POLR3A: variants seen among roughly 807,000 people sequenced by gnomAD.
POLR3A encodes DNA-directed RNA polymerase III subunit RPC1.
A neutral mutation model predicts 152.8 loss-of-function variants in POLR3A; 112 were observed. The observed-to-expected ratio is 0.73, with a 90% confidence interval of 0.63 to 0.86. The LOEUF is 0.86. POLR3A is among the 40% of genes least tolerant of loss of function. POLR3A has a pLI of 0.00. For synonymous variants in POLR3A, 615 were observed against 652.1 expected (o/e 0.94, Z 0.87); for missense variants, 1,385 against 1,743.1 (o/e 0.79, Z 3.66).
intron 10 of POLR3A, among the ~76,000 whole-genome samples, chr10:78,014,402 G>A (rs1235929611): frequency 6.6e-6 from 1 of 152,094 alleles, no homozygotes; most frequent in Non-Finnish European, 1.5e-5. Context: ...CAATCTAGTT[G>A]GAAGTTACTG....
Position 78,010,537 on chromosome 10 carries a change from T to C in POLR3A, c.1576A>G (p.Lys526Glu), listed in dbSNP as rs775689116. 5.0e-6 allele frequency: 8 copies of C among 1,613,712 alleles called. No individual in the cohort carries two copies. The highest frequency in any genetic ancestry group is 3.3e-4 in the Middle Eastern group (2 of 6,060). The stretch of plus-strand genomic sequence containing the variant: ...TTCCTCGGGGTTACAAGATTTGCTT[T>C]AGTCTGTAGGAAAAGTAAGCGCAGT... ...KAEALVLMGT[K>E]ANLVTPRNGE... The change falls in exon 12 of 31, where the codon AAA becomes GAA. Residue 526 changes from lysine (K) to glutamate (E), a missense_variant. By Grantham distance (56) the Lys-to-Glu change is moderately conservative (BLOSUM62 1). Around this residue, in one of 7 missense-constraint regions of POLR3A, gnomAD observed 188 missense variants for 179.9 expected, o/e 1.04. Coordinates refer to ENST00000372371, the MANE Select transcript of POLR3A (RefSeq NM_007055.4).
chr10:78,017,822 T>A, intron 9 of POLR3A, 106 bp from the exon 10 acceptor site: 1 of 1,240,238 alleles, frequency 8.1e-7, no homozygotes, highest in Non-Finnish European at 1.2e-6. Context: ...TCATCAAATC[T>A]AAGATGCCTC....
At position 78,001,021 on chromosome 10, in the gene POLR3A, G is replaced by A. The variant is rs757277769; in HGVS notation, c.2433C>T (p.Asp811=). 32 of 1,611,266 alleles carry A rather than the reference G, an allele frequency of 2.0e-5. No individual in the cohort carries two copies. Among genetic ancestry groups the A allele is most frequent in the East Asian group, 8.9e-5 (4 of 44,858 alleles). The part of the protein sequence containing the change: ...QQAISGSRVP[D]GFENRSLPHF... Reference sequence around the variant, plus strand: ...GAGGCAAGGACCTGTTTTCAAAGCCGTCTGGCACTCGAGAGCCACTGATGG... The same window carrying A: ...GAGGCAAGGACCTGTTTTCAAAGCCATCTGGCACTCGAGAGCCACTGATGG... Residue 811 remains aspartate (D), a synonymous_variant, in exon 18 of 31, where the codon GAC becomes GAT. Transcript: ENST00000372371.
chr10:77,980,344 CA>C, intron 29 of POLR3A, 71 bp from the exon 30 acceptor site: 1 of 1,453,682 alleles, frequency 6.9e-7, no homozygotes, highest in Non-Finnish European at 9.6e-7. Flanking sequence ...AAGCACGGTG[CA>C]CCTTCAATAC....
intron 30 of POLR3A, among the ~76,000 whole-genome samples, chr10:77,978,679 G>A (rs930560334): frequency 2.0e-5 from 1 of 50,598 alleles, no homozygotes; most frequent in African/African-American, 7.5e-5. Context: ...TTTTTTTTTT[G>A]AGACGGAGTC....
At chr10:78,022,694 AG>A (rs1202494640) in intron 5 of POLR3A, among the ~76,000 whole-genome samples, 1 of 152,230 alleles carries the variant, frequency 6.6e-6, no homozygotes, top group African/African-American at 2.4e-5. Flanking sequence ...GTGACAGAAT[AG>A]GAAGGTAATA....
intron 8 of POLR3A, among the ~76,000 whole-genome samples, chr10:78,020,383 G>A (rs765708642): frequency 6.6e-6 from 1 of 151,826 alleles, no homozygotes; most frequent in African/African-American, 2.4e-5. Context: ...CTAGCTACTC[G>A]GGAGGCTGAG....
chr10:78,014,555 T>TA (rs1847500886), intron 10 of POLR3A, among the ~76,000 whole-genome samples: 1 of 152,112 alleles, frequency 6.6e-6, no homozygotes, highest in African/African-American at 2.4e-5. Flanking sequence ...TAGCTGGGAC[T>TA]ACAGGCGTTT....
At position 78,029,437 on chromosome 10, in the gene POLR3A, A is replaced by G. The variant is rs1270357950; in HGVS notation, c.-30T>C. 1.2e-6 allele frequency: 2 copies of G among 1,613,126 alleles called. No homozygotes were observed. Among genetic ancestry groups the G allele is most frequent in the South Asian group, 1.1e-5 (1 of 91,074 alleles). On this transcript the variant is annotated 5_prime_UTR_variant, in exon 1 of 31. Coordinates refer to ENST00000372371, the MANE Select transcript of POLR3A (RefSeq NM_007055.4). ...ACCGCTGCCGGGACGCCTCCTTGGCACTCGGGAGGCCAGATTAGAGAAACG... is the reference window on the plus strand; with the variant it reads ...ACCGCTGCCGGGACGCCTCCTTGGCGCTCGGGAGGCCAGATTAGAGAAACG...
intron 1 of POLR3A, 106 bp downstream of exon 1, chr10:78,029,257 TC>T: frequency 8.9e-7 from 1 of 1,123,818 alleles, no homozygotes; most frequent in Non-Finnish European, 1.4e-6. Flanking sequence ...CTACTGGCCC[TC>T]CCCTTCCCAT....
intron 19 of POLR3A, among the ~76,000 whole-genome samples, chr10:77,997,569 A>G (rs2131940043): frequency 6.6e-6 from 1 of 152,276 alleles, no homozygotes; most frequent in Non-Finnish European, 1.5e-5. Flanking sequence ...CTTCAAAGAG[A>G]ATAAAATACC....
At chr10:77,991,713 C>T (rs1038469381) in intron 20 of POLR3A, among the ~76,000 whole-genome samples, 16 of 152,018 alleles carry the variant, frequency 1.1e-4, no homozygotes, top group East Asian at 1.9e-4. Flanking sequence ...TTAGTAGAGA[C>T]GGGGTTTCAC....
intron 11 of POLR3A, among the ~76,000 whole-genome samples, chr10:78,011,331 A>C (rs2131950714): frequency 6.6e-6 from 1 of 152,334 alleles, no homozygotes; most frequent in African/African-American, 2.4e-5. Context: ...ATTTAATTAA[A>C]CATTTAATGA....
intron 29 of POLR3A, among the ~76,000 whole-genome samples, chr10:77,980,968 G>GA (rs374615398): frequency 6.1e-5 from 9 of 148,726 alleles, no homozygotes; most frequent in African/African-American, 7.4e-5. Context: ...GGAAAAGAGA[G>GA]AAAAAAAAAA....
At position 78,028,180 on chromosome 10, in the gene POLR3A, T is replaced by C. The variant is rs79003777; in HGVS notation, c.44+1184A>G. Among the ~76,000 whole-genome samples, 20 of 152,348 alleles carry C rather than the reference T, an allele frequency of 1.3e-4. No individual in the cohort carries two copies. In the East Asian group the frequency reaches 3.9e-3, roughly 29 times the overall value. ...GAACTCTTATCAAGATACTCTCCTG[T>C]TGAAAATCCTTCAAAGGTTCCTCAC... On this transcript the variant is annotated intron_variant, in intron 1 of 30. Coordinates refer to ENST00000372371, the MANE Select transcript of POLR3A (RefSeq NM_007055.4).
At chr10:77,982,907 G>T in intron 26 of POLR3A, 90 bp from the exon 27 acceptor site, 1 of 1,264,446 alleles carries the variant, frequency 7.9e-7, no homozygotes, top group Non-Finnish European at 1.2e-6. Flanking sequence ...CTTTTAGTCA[G>T]GTTTGTTCTA....
At chr10:77,980,532 T>C (rs1450886409) in intron 29 of POLR3A, among the ~76,000 whole-genome samples, 2 of 151,380 alleles carry the variant, frequency 1.3e-5, no homozygotes, top group Non-Finnish European at 2.9e-5. Context: ...AGACTAACTT[T>C]AAAAAAGGGG....
intron 20 of POLR3A, 88 bp from the exon 21 acceptor site, chr10:77,991,255 A>T (rs1847245665): frequency 1.3e-6 from 1 of 787,058 alleles, no homozygotes; most frequent in Non-Finnish European, 2.3e-6. Context: ...GGATAAAATG[A>T]CCTTACCCAA....
intron 19 of POLR3A, among the ~76,000 whole-genome samples, chr10:77,996,792 A>C (rs949572590): frequency 6.6e-6 from 1 of 152,210 alleles, no homozygotes; most frequent in African/African-American, 2.4e-5. Flanking sequence ...AAAAGAGGGA[A>C]TCCTCCCTAA....
Sources: gnomAD v4.1 joint callset for allele counts (sites outside exome capture counted in the v4.1 genomes callset) on GRCh38, gnomAD v4.1.1 for gene constraint, gnomAD v4.1.1 regional missense constraint, MANE v1.5 for transcripts, NCBI Gene and HGNC (gene_info 2026-07-23, HGNC 2026-07-21) for gene names.